Variants in FOXP2 observed in about 807,000 individuals in gnomAD.
FOXP2 encodes the protein forkhead box protein P2.
FOXP2 carries 12 observed loss-of-function variants against 115.8 expected under a neutral mutation model. The ratio of observed to expected loss-of-function variants is 0.10; its 90% CI spans 0.07 to 0.17. The LOEUF (loss-of-function observed/expected upper bound fraction) is 0.17. Ranked by LOEUF, FOXP2 falls within the 10% of genes least tolerant of loss-of-function variation. FOXP2 has a pLI of 1.00. For missense variants in FOXP2, 629 were observed against 843.5 expected (o/e 0.75, Z 3.15); for synonymous variants, 328 against 297.7 (o/e 1.10, Z -1.05).
intron 14 of FOXP2, among the ~76,000 whole-genome samples, chr7:114,663,149 T>C (rs959207369): frequency 6.6e-6 from 1 of 152,134 alleles, no homozygotes; most frequent in African/African-American, 2.4e-5. Context: ...AATGTTGCTG[T>C]TCTTGCAAAT....
At chr7:114,373,504 G>A (rs1376083976) in intron 2 of FOXP2, among the ~76,000 whole-genome samples, 1 of 152,178 alleles carries the variant, frequency 6.6e-6, no homozygotes, top group Non-Finnish European at 1.5e-5. Flanking sequence ...TTCTGTCATT[G>A]CCTCCCTTCC....
intron 3 of FOXP2, among the ~76,000 whole-genome samples, chr7:114,602,171 G>A (rs1803067629): frequency 6.6e-6 from 1 of 151,952 alleles, no homozygotes; most frequent in Non-Finnish European, 1.5e-5. Context: ...ATTTTATTAA[G>A]AGAAAGCATA....
Position 114,274,218 on chromosome 7 carries a change from C to T in FOXP2, c.-101-13801C>T, listed in dbSNP as rs559002272. On this transcript the variant is annotated intron_variant, in intron 1 of 17. Coordinates refer to the FOXP2 transcript ENST00000634411. ...ATGAAAACAATTGTAATTCACCTCT[C>T]CCATTCTTTGTATTACTACTGTCAT... Among the ~76,000 whole-genome samples the T allele has an allele frequency of 1.3e-3, 193 of 152,102 alleles. 1 individual carries two copies. Among genetic ancestry groups the T allele is most frequent in the African/African-American group, 4.3e-3 (177 of 41,510 alleles).
chr7:114,358,593 G>A (rs1486166324), intron 2 of FOXP2, among the ~76,000 whole-genome samples: 1 of 152,136 alleles, frequency 6.6e-6, no homozygotes, highest in Non-Finnish European at 1.5e-5. Context: ...AAAATTTCCA[G>A]GCTGAGGTGA....
intron 3 of FOXP2, among the ~76,000 whole-genome samples, chr7:114,579,219 A>G (rs1037414298): frequency 3.9e-5 from 6 of 152,188 alleles, no homozygotes; most frequent in African/African-American, 1.4e-4. Flanking sequence ...AGATAAGACA[A>G]TACTTTTAAG....
At chr7:114,255,151 A>G (rs980224000) in intron 1 of FOXP2, among the ~76,000 whole-genome samples, 46 of 152,206 alleles carry the variant, frequency 3.0e-4, no homozygotes, top group African/African-American at 1.1e-3. Context: ...TTTCCTCTAG[A>G]AGCCTGGTCT....
chr7:114,514,075 A>G (rs1331131108), intron 2 of FOXP2, among the ~76,000 whole-genome samples: 1 of 123,900 alleles, frequency 8.1e-6, no homozygotes, highest in African/African-American at 3.2e-5. Flanking sequence ...TGATCTTAAC[A>G]TTGTATCTTA....
intron 1 of FOXP2, among the ~76,000 whole-genome samples, chr7:114,266,072 G>GA (rs113853878): frequency 0.076 from 10,994 of 144,844 alleles, 910 homozygotes; most frequent in African/African-American, 0.21. Context: ...GCACTTCAAT[G>GA]AAAAAAAAAA....
intron 2 of FOXP2, among the ~76,000 whole-genome samples, chr7:114,491,941 G>A (rs1797076667): frequency 6.6e-6 from 1 of 152,172 alleles, no homozygotes; most frequent in South Asian, 2.1e-4. Flanking sequence ...GAGTTAGGGA[G>A]GATTCCCTCT....
rs142122797 is a variant in FOXP2 at position 114,548,165 on chromosome 7, G to T, written c.258+13459G>T. 1.5e-3 allele frequency among the ~76,000 whole-genome samples: 229 copies of T among 152,276 alleles called. No homozygotes were observed. In the Middle Eastern group the frequency reaches 0.017, roughly 11 times the overall value. ...ATTATGCCCATGTTTTAGGCAAAAA[G>T]AAGGGAATGACAAAACAGAAAGGGC... On this transcript the variant is annotated intron_variant, in intron 3 of 16. Transcript: ENST00000350908.
rs1425834909 is a variant in FOXP2 at position 114,692,604 on chromosome 7, A to G, written c.*2678A>G. On this transcript the variant is annotated 3_prime_UTR_variant, in exon 17 of 17. Transcript: ENST00000350908. Reference sequence around the variant, plus strand: ...AGTAATAGCAAATCTGCTTTTCTGCATCTGCTTTGCGTAGCTATTGTAAGG... The same window carrying G: ...AGTAATAGCAAATCTGCTTTTCTGCGTCTGCTTTGCGTAGCTATTGTAAGG... 4.4e-6 allele frequency: 2 copies of G among 452,138 alleles called. No individual in the cohort carries two copies. Among genetic ancestry groups the G allele is most frequent in the Non-Finnish European group, 8.8e-6 (2 of 226,096 alleles). 28.0% of individuals were successfully genotyped at this position (452,138 alleles called of 1,614,324 possible). A position where few individuals can be genotyped will look rare whatever the true frequency, so the allele number is the denominator to read the frequency against.
At chr7:114,300,037 C>T (rs985588629) in intron 2 of FOXP2, among the ~76,000 whole-genome samples, 1 of 151,658 alleles carries the variant, frequency 6.6e-6, no homozygotes, top group African/African-American at 2.4e-5. Flanking sequence ...CACACACTCA[C>T]ACACACACAC....
intron 2 of FOXP2, among the ~76,000 whole-genome samples, chr7:114,480,120 A>G (rs1166567291): frequency 6.6e-6 from 1 of 151,436 alleles, no homozygotes; most frequent in African/African-American, 2.4e-5. Context: ...TCTTTGTTAA[A>G]CTTGAATTCA....
intron 2 of FOXP2, among the ~76,000 whole-genome samples, chr7:114,368,613 C>T (rs1791935462): frequency 6.6e-6 from 1 of 152,114 alleles, no homozygotes; most frequent in African/African-American, 2.4e-5. Flanking sequence ...CTAGGGGACC[C>T]ATAAAGACGA....
intron 2 of FOXP2, among the ~76,000 whole-genome samples, chr7:114,406,342 G>A (rs944516268): frequency 6.6e-6 from 1 of 151,916 alleles, no homozygotes; most frequent in Non-Finnish European, 1.5e-5. Flanking sequence ...TTGAGAATAA[G>A]TTACAGTTAT....
chr7:114,652,260 A>G lies in FOXP2; in HGVS notation c.1152A>G (p.Gln384=). 2.5e-6 allele frequency: 4 copies of G among 1,612,980 alleles called. No individual in the cohort carries two copies. The highest frequency in any genetic ancestry group is 8.5e-7 in the Non-Finnish European group (1 of 1,179,298). The part of the protein sequence containing the change: ...DDRSTAQCRV[Q]MQVVQQLEIQ... ...GAAGCACTGCTCAGTGTCGAGTGCA[A>G]ATGCAGGTGGTGCAACAGTTAGAAA... Residue 384 remains glutamine (Q), a synonymous_variant, in exon 9 of 17, where the codon CAA becomes CAG. Coordinates refer to ENST00000350908, the MANE Select transcript of FOXP2 (RefSeq NM_014491.4).
At chr7:114,381,656 G>C (rs1294990279) in intron 2 of FOXP2, among the ~76,000 whole-genome samples, 1 of 152,190 alleles carries the variant, frequency 6.6e-6, no homozygotes. Flanking sequence ...ATAAAGGTTA[G>C]GTACAGCTGG....
chr7:114,405,691 G>A (rs1793019343), intron 2 of FOXP2, among the ~76,000 whole-genome samples: 1 of 151,818 alleles, frequency 6.6e-6, no homozygotes, highest in Admixed American at 6.6e-5. Context: ...GTAGTGTTAA[G>A]TGATATACAT....
intron 10 of FOXP2, chr7:114,656,581 C>A: frequency 2.4e-6 from 1 of 417,096 alleles, no homozygotes; most frequent in Non-Finnish European, 4.8e-6. Context: ...AGCATTATCT[C>A]AGCTTTCATT....
Sources: allele counts gnomAD v4.1 joint callset (sites outside exome capture counted in the v4.1 genomes callset), GRCh38; gene constraint gnomAD v4.1.1; transcripts MANE v1.5; gene names NCBI Gene and HGNC (gene_info 2026-07-23, HGNC 2026-07-21).